Variants in MPRIP observed in about 807,000 individuals in gnomAD.
The protein encoded by MPRIP is myosin phosphatase Rho interacting protein.
Under a neutral mutation model 234.9 loss-of-function variants are expected in MPRIP, and 59 were observed. The observed-to-expected ratio is 0.25, with a 90% CI of 0.20 to 0.31. The LOEUF is 0.31. Among genes scored for constraint, MPRIP ranks in the 10% least tolerant of loss-of-function variants. MPRIP has a pLI of 1.00. For synonymous variants in MPRIP, 1,144 were observed against 1,263.9 expected (o/e 0.91, Z 2.01); for missense variants, 2,436 against 3,071.0 (o/e 0.79, Z 4.89).
intron 1 of MPRIP, among the ~76,000 whole-genome samples, chr17:17,044,380 C>T (rs1056958641): frequency 6.6e-6 from 1 of 152,182 alleles, no homozygotes; most frequent in African/African-American, 2.4e-5. Flanking sequence ...TGCTTCAGGT[C>T]TTGGCTGTCA....
chr17:17,073,442 C>T (rs1212255967), intron 1 of MPRIP, among the ~76,000 whole-genome samples: 1 of 152,190 alleles, frequency 6.6e-6, no homozygotes, highest in Non-Finnish European at 1.5e-5. Flanking sequence ...CCCTTGGCTC[C>T]CCACAGTTCC....
At chr17:17,085,957 T>C (rs1047164526) in intron 3 of MPRIP, among the ~76,000 whole-genome samples, 7 of 152,174 alleles carry the variant, frequency 4.6e-5, no homozygotes, top group African/African-American at 1.7e-4. Context: ...CCAACCTCCT[T>C]CTCTGCGGAA....
In MPRIP at chr17:17,172,930, G is replaced by T. The variant is rs879167409; in HGVS notation, c.6590+115G>T. On this transcript the variant is annotated intron_variant, in intron 18 of 23. Transcript: ENST00000651222. Reference sequence around the variant, plus strand: ...GAGGCCTCCAGAAGTGGGGCCTGGGGCCCCTGGGTGCTGAGGGCAGCTCAG... The same window carrying T: ...GAGGCCTCCAGAAGTGGGGCCTGGGTCCCCTGGGTGCTGAGGGCAGCTCAG... 4 of 881,448 alleles carry T rather than the reference G, an allele frequency of 4.5e-6. No individual in the cohort carries two copies. In the Admixed American group the frequency reaches 9.5e-5, roughly 21 times the overall value. 54.6% of individuals were successfully genotyped at this position (881,448 alleles called of 1,614,324 possible).
At chr17:17,150,801 C>G (rs942408716) in intron 12 of MPRIP, among the ~76,000 whole-genome samples, 5 of 151,244 alleles carry the variant, frequency 3.3e-5, no homozygotes, top group African/African-American at 1.2e-4. Context: ...GTCAGCCAGA[C>G]TCCAGGTTAA....
rs572148296 is a variant in MPRIP, at chr17:17,167,352, G to T, written c.5761G>T (p.Ala1921Ser). 3 of 1,304,152 alleles carry T rather than the reference G, an allele frequency of 2.3e-6. No individual in the cohort carries two copies. The highest frequency in any genetic ancestry group is 1.2e-5 in the South Asian group (1 of 81,024). 80.8% of individuals were successfully genotyped at this position (1,304,152 alleles called of 1,614,324 possible). ...RENAELKAKA[A>S]QLDHQQQCLE... ...GAATGCAGAGCTCAAGGCCAAGGCC[G>T]CCCAGCTAGACCATCAGCAGCAGTG... Residue 1921 changes from alanine to serine, a missense_variant, in exon 16 of 24, where the codon GCC becomes TCC. By Grantham distance (99) the Ala-to-Ser change is moderately conservative (BLOSUM62 1). Transcript: ENST00000651222. This position sits in a 1 kb window ranked among gnomAD's most constrained non-coding sequence, Gnocchi z 5.9.
At chr17:17,173,168 C>T (rs1010884439) in intron 18 of MPRIP, among the ~76,000 whole-genome samples, 2 of 152,270 alleles carry the variant, frequency 1.3e-5, no homozygotes, top group African/African-American at 2.4e-5. Flanking sequence ...TCGTACAGGG[C>T]AGAAGTGAGA....
chr17:17,184,741 C>CGGTCCGGTCT (rs891803542), intron 23 of MPRIP, 82 bp from the exon 24 acceptor site: 1 of 1,029,774 alleles, frequency 9.7e-7, no homozygotes, highest in Non-Finnish European at 1.5e-6. Context: ...GCTCCACCAG[C>CGGTCCGGTCT]GGTCCGGTCT....
rs1481446077 is a variant in MPRIP, at chr17:17,161,328, A to G, written c.2489A>G (p.Gln830Arg). The part of the protein sequence containing the change: ...DQLRVALGRE[Q>R]SAREGYVLQT... Reference sequence around the variant, plus strand: ...CTGAGGGTGGCCCTGGGCCGGGAGCAGAGCGCCCGTGAGGGCTACGTGCTG... The same window carrying G: ...CTGAGGGTGGCCCTGGGCCGGGAGCGGAGCGCCCGTGAGGGCTACGTGCTG... Residue 830 changes from glutamine (Q) to arginine (R), a missense_variant, in exon 15 of 24, where the codon CAG (glutamine) becomes CGG (arginine). Gln to Arg is a conservative substitution (Grantham distance 43, BLOSUM62 1). Coordinates refer to ENST00000651222, the MANE Select transcript of MPRIP (RefSeq NM_001364716.4). 1.9e-6 allele frequency: 3 copies of G among 1,589,270 alleles called. No individual in the cohort carries two copies. In the East Asian group the frequency reaches 6.8e-5, roughly 36 times the overall value.
Position 17,187,111 on chromosome 17 carries a change from G to A in MPRIP, c.*2217G>A, listed in dbSNP as rs2046491119. 1 of 152,340 alleles carries A rather than the reference G, an allele frequency of 6.6e-6. No individual in the cohort carries two copies. The highest frequency in any genetic ancestry group is 2.4e-5 in the African/African-American group (1 of 41,466). The allele number at this position is 152,340 out of a possible 1,614,324, so 9.4% of individuals were successfully genotyped here. On this transcript the variant is annotated 3_prime_UTR_variant, in exon 24 of 24. Coordinates refer to ENST00000651222, the MANE Select transcript of MPRIP (RefSeq NM_001364716.4). ...TCTGCCCTCCAGGGGGTTCTGGCCA[G>A]AGTCCATGCTTGGAGACAGGATCAT...
chr17:17,128,010 C>T (rs1053860913), intron 4 of MPRIP, among the ~76,000 whole-genome samples: 1 of 152,198 alleles, frequency 6.6e-6, no homozygotes, highest in Non-Finnish European at 1.5e-5. Flanking sequence ...TGGAGGAGCA[C>T]TTCTGTCTCC....
intron 1 of MPRIP, among the ~76,000 whole-genome samples, chr17:17,070,126 T>G (rs1567694862): frequency 6.6e-6 from 1 of 152,234 alleles, no homozygotes; most frequent in Non-Finnish European, 1.5e-5. Flanking sequence ...GTCATTCTGC[T>G]TAGTTTTCTC....
At chr17:17,127,027 G>A (rs919350148) in intron 4 of MPRIP, among the ~76,000 whole-genome samples, 174 bp downstream of exon 4, 2 of 152,202 alleles carry the variant, frequency 1.3e-5, no homozygotes, top group African/African-American at 4.8e-5. Flanking sequence ...CAGAAATCAG[G>A]ACATTCACCA....
At position 17,042,484 on chromosome 17, in the gene MPRIP, T is replaced by G. The variant is rs1206058142; in HGVS notation, c.-365T>G. On this transcript the variant is annotated 5_prime_UTR_variant, in exon 1 of 24. In the 5' UTR this introduces an upstream ATG that the reference lacks. Transcript: ENST00000651222. ...AGTGCGTGAGGCGCTCCGGTCCCAT[T>G]TGCAGCGGCCGCGGGGCGCCGAGGG... 1.2e-4 allele frequency: 18 copies of G among 144,540 alleles called. No individual in the cohort carries two copies. Among genetic ancestry groups the G allele is most frequent in the Admixed American group, 1.2e-3 (18 of 14,570 alleles). The allele number at this position is 144,540 out of a possible 1,614,324, so 9.0% of individuals were successfully genotyped here.
intron 23 of MPRIP, among the ~76,000 whole-genome samples, chr17:17,181,105 A>C (rs566291056): frequency 6.6e-6 from 1 of 152,258 alleles, no homozygotes; most frequent in African/African-American, 2.4e-5. Context: ...TGGTCATTCT[A>C]GGAATGGATA....
intron 3 of MPRIP, among the ~76,000 whole-genome samples, chr17:17,109,767 C>T (rs995208857): frequency 5.9e-5 from 9 of 151,926 alleles, no homozygotes; most frequent in East Asian, 1.9e-4. Context: ...AGGGCTGGGG[C>T]GGGAAATATA....
intron 1 of MPRIP, among the ~76,000 whole-genome samples, chr17:17,045,350 T>C (rs1435685234): frequency 6.6e-6 from 1 of 152,162 alleles, no homozygotes; most frequent in Non-Finnish European, 1.5e-5. Context: ...TGTTTGTTTT[T>C]CCCCTAGAGA....
At chr17:17,136,525 G>C in intron 6 of MPRIP, 75 bp downstream of exon 6, 2 of 1,424,064 alleles carry the variant, frequency 1.4e-6, no homozygotes, top group South Asian at 2.6e-5. Flanking sequence ...TGGGGATTCA[G>C]CCAAGGCCTG....
chr17:17,047,732 A>T (rs1448624546), intron 1 of MPRIP, among the ~76,000 whole-genome samples: 2 of 152,172 alleles, frequency 1.3e-5, no homozygotes, highest in Admixed American at 1.3e-4. Flanking sequence ...ACAGATTTGG[A>T]GTAAACTTGG....
intron 3 of MPRIP, 42 bp from the exon 4 acceptor site, chr17:17,126,660 C>G: frequency 6.3e-7 from 1 of 1,582,984 alleles, no homozygotes; most frequent in Non-Finnish European, 8.6e-7. Context: ...TCTGTGGCCC[C>G]ATTGGCTGGC....
Sources: gnomAD v4.1 joint callset for allele counts (sites outside exome capture counted in the v4.1 genomes callset) on GRCh38, gnomAD v4.1.1 for gene constraint, Gnocchi (gnomAD v3.1) non-coding constraint, MANE v1.5 for transcripts, NCBI Gene and HGNC (gene_info 2026-07-23, HGNC 2026-07-21) for gene names.